The following GRIA4 variants were observed in gnomAD, a reference collection of about 807,000 sequenced individuals.
The protein encoded by GRIA4 is glutamate ionotropic receptor AMPA type subunit 4, also known as glutamate receptor 4.
GRIA4 carries 34 observed loss-of-function variants against 104.0 expected under a neutral mutation model. The observed-to-expected ratio is 0.33, with a 90% CI of 0.25 to 0.44. The LOEUF (loss-of-function observed/expected upper bound fraction) is 0.44. GRIA4 is among the 20% of genes least tolerant of loss of function. The pLI, the probability that GRIA4 is intolerant of heterozygous loss-of-function variation, is 1.00. For missense variants in GRIA4, 750 were observed against 1,096.5 expected (o/e 0.68, Z 4.46); for synonymous variants, 386 against 381.9 (o/e 1.01, Z -0.13).
intron 14 of GRIA4, among the ~76,000 whole-genome samples, chr11:105,968,223 A>T (rs7125799): frequency 0.077 from 11,740 of 152,248 alleles, 514 homozygotes; most frequent in African/African-American, 0.1. Context: ...TGTACCACAC[A>T]TGGAAAGGTT....
intron 3 of GRIA4, among the ~76,000 whole-genome samples, chr11:105,626,467 A>G (rs1378958030): frequency 2.0e-5 from 3 of 152,164 alleles, no homozygotes; most frequent in Admixed American, 6.5e-5. Flanking sequence ...GTACAGATGA[A>G]GAGAATGTTA....
chr11:105,808,970 A>G lies in GRIA4; in HGVS notation c.488-53054A>G, dbSNP rs920991833. ...AAAAATGCAGTTAGGTCAGTTAGTC[A>G]TCATTTCTAAGTTTTTATTTATTTT... On this transcript the variant is annotated intron_variant, in intron 4 of 16. Transcript: ENST00000282499. Among the ~76,000 whole-genome samples the G allele has an allele frequency of 2.6e-5, 4 of 152,166 alleles. No homozygotes were observed. In the South Asian group the frequency reaches 8.3e-4, roughly 32 times the overall value.
At chr11:105,630,292 A>G (rs1345781020) in intron 3 of GRIA4, among the ~76,000 whole-genome samples, 3 of 152,226 alleles carry the variant, frequency 2.0e-5, no homozygotes, top group Non-Finnish European at 4.4e-5. Context: ...TAGGCCAGGC[A>G]CAGTGGCTCA....
At chr11:105,634,147 G>A (rs985458360) in intron 3 of GRIA4, among the ~76,000 whole-genome samples, 1 of 151,964 alleles carries the variant, frequency 6.6e-6, no homozygotes, top group African/African-American at 2.4e-5. Context: ...AGGAGTTCAG[G>A]ACAAGCCTGG....
intron 6 of GRIA4, among the ~76,000 whole-genome samples, chr11:105,889,789 T>C (rs1946396128): frequency 6.6e-6 from 1 of 152,134 alleles, no homozygotes; most frequent in Non-Finnish European, 1.5e-5. Flanking sequence ...AATCAAAAAA[T>C]ATTTATAGAA....
At chr11:105,633,308 A>T (rs113141455) in intron 3 of GRIA4, among the ~76,000 whole-genome samples, 75 of 152,272 alleles carry the variant, frequency 4.9e-4, no homozygotes, top group Non-Finnish European at 1.0e-4. Flanking sequence ...ATATTTCTAC[A>T]TATTTATTTT....
chr11:105,804,866 G>A (rs897214012), intron 4 of GRIA4, among the ~76,000 whole-genome samples: 3 of 151,852 alleles, frequency 2.0e-5, no homozygotes, highest in African/African-American at 2.4e-5. Context: ...TCAATTAAAT[G>A]ACTGGAACAC....
chr11:105,611,096 C>T lies in GRIA4; in HGVS notation c.88+11C>T. 1 of 1,593,476 alleles carries T rather than the reference C, an allele frequency of 6.3e-7. No homozygotes were observed. On this transcript the variant is annotated intron_variant, in intron 2 of 16. Transcript: ENST00000282499. ...GCAGCGTGCAAATAGGTAAGGTGTGCTCCGATGGGGTGTGCATGTGGCTGG... is the reference window on the plus strand; with the variant it reads ...GCAGCGTGCAAATAGGTAAGGTGTGTTCCGATGGGGTGTGCATGTGGCTGG...
intron 14 of GRIA4, among the ~76,000 whole-genome samples, chr11:105,955,162 C>A (rs1948554502): frequency 6.6e-6 from 1 of 151,726 alleles, no homozygotes; most frequent in East Asian, 1.9e-4. Flanking sequence ...AAAATTTCAT[C>A]TTTAAAAAAT....
At chr11:105,952,789 T>C (rs1051642343) in intron 14 of GRIA4, among the ~76,000 whole-genome samples, 7 of 152,204 alleles carry the variant, frequency 4.6e-5, no homozygotes, top group Non-Finnish European at 7.3e-5. Context: ...AGTTTTCAAG[T>C]GCTCATTGCA....
intron 5 of GRIA4, among the ~76,000 whole-genome samples, chr11:105,863,210 C>T (rs1945289628): frequency 6.6e-6 from 1 of 152,036 alleles, no homozygotes; most frequent in Non-Finnish European, 1.5e-5. Context: ...TTACTATTTG[C>T]AGGCAAGGGA....
chr11:105,821,814 C>T lies in GRIA4; in HGVS notation c.488-40210C>T, dbSNP rs558170919. ...CCATAAAATTTATGCTAAAAAAATT[C>T]TTAATACCCACACACACTTAACACA... On this transcript the variant is annotated intron_variant, in intron 4 of 16. Coordinates refer to ENST00000282499, the MANE Select transcript of GRIA4 (RefSeq NM_000829.4). 3.3e-5 allele frequency among the ~76,000 whole-genome samples: 5 copies of T among 152,198 alleles called. No individual in the cohort carries two copies. In the East Asian group the frequency reaches 9.7e-4, roughly 29 times the overall value.
chr11:105,949,902 A>G lies in GRIA4; in HGVS notation c.2294+15933A>G, dbSNP rs58114572. Reference sequence around the variant, plus strand: ...CTGTGTTAGACAAACCCAGCTTCCTATTTCACTTTTGCCATTTACTAGCCA... The same window carrying G: ...CTGTGTTAGACAAACCCAGCTTCCTGTTTCACTTTTGCCATTTACTAGCCA... On this transcript the variant is annotated intron_variant, in intron 14 of 16. Transcript: ENST00000282499. 3.2e-3 allele frequency among the ~76,000 whole-genome samples: 488 copies of G among 152,264 alleles called. 6 individuals carry two copies. Among genetic ancestry groups the G allele is most frequent in the African/African-American group, 0.011 (468 of 41,558 alleles).
Position 105,980,746 on chromosome 11 carries a change from A to G in GRIA4, c.*1007A>G, listed in dbSNP as rs1031263857. ...CTTAAAAGTTTTTTCTTATCGTTAT[A>G]AAAGTTATTTGAGAAATTATAAGAC... is the stretch of plus-strand genomic sequence containing the variant. On this transcript the variant is annotated 3_prime_UTR_variant, in exon 17 of 17. Transcript: ENST00000282499. 1.3e-4 allele frequency: 20 copies of G among 152,636 alleles called. No homozygotes were observed. Among genetic ancestry groups the G allele is most frequent in the African/African-American group, 4.8e-4 (20 of 41,450 alleles). The allele number at this position is 152,636 out of a possible 1,614,324, so 9.5% of individuals were successfully genotyped here. A position where few individuals can be genotyped will look rare whatever the true frequency, so the allele number is the denominator to read the frequency against.
chr11:105,901,225 C>G (rs1946844687), intron 7 of GRIA4, among the ~76,000 whole-genome samples: 1 of 152,046 alleles, frequency 6.6e-6, no homozygotes. Context: ...TCACTATTAT[C>G]TTGTTTCATT....
In GRIA4 at chr11:105,647,830, G is replaced by A. The variant is rs549377334; in HGVS notation, c.247+35396G>A. On this transcript the variant is annotated intron_variant, in intron 3 of 16. Coordinates refer to ENST00000282499, the MANE Select transcript of GRIA4 (RefSeq NM_000829.4). ...TAGGAGGAGGAAGAGGATCAGGCAC[G>A]TGCCTGTAGTCCCAGCTACTTGGAA... Among the ~76,000 whole-genome samples, 3 of 152,106 alleles carry A rather than the reference G, an allele frequency of 2.0e-5. No individual in the cohort carries two copies. In the East Asian group the frequency reaches 5.8e-4, roughly 30 times the overall value.
intron 3 of GRIA4, among the ~76,000 whole-genome samples, chr11:105,686,768 T>A (rs1015572609): frequency 1.3e-5 from 2 of 152,192 alleles, no homozygotes; most frequent in African/African-American, 4.8e-5. Context: ...ATAGCCATTG[T>A]GACTGGTGTG....
At chr11:105,630,889 A>C (rs1951019289) in intron 3 of GRIA4, among the ~76,000 whole-genome samples, 1 of 152,144 alleles carries the variant, frequency 6.6e-6, no homozygotes, top group African/African-American at 2.4e-5. Context: ...ACAGTCATAC[A>C]AGCTGTCCTC....
chr11:105,619,185 G>A (rs149363183), intron 3 of GRIA4, among the ~76,000 whole-genome samples: 8 of 151,990 alleles, frequency 5.3e-5, no homozygotes, highest in Non-Finnish European at 1.0e-4. Context: ...CTCCTCTGGA[G>A]TTTTGAGCCA....
Sources: allele counts gnomAD v4.1 joint callset (sites outside exome capture counted in the v4.1 genomes callset), GRCh38; gene constraint gnomAD v4.1.1; transcripts MANE v1.5; gene names NCBI Gene and HGNC (gene_info 2026-07-23, HGNC 2026-07-21).